Variants in CDH13 observed in about 807,000 individuals in gnomAD.
CDH13 encodes the protein cadherin-13.
In CDH13, 24 loss-of-function variants were observed where a neutral mutation model predicts 63.8. The ratio of observed to expected loss-of-function variants is 0.38; its 90% CI spans 0.27 to 0.53. CDH13 has a LOEUF of 0.53. Among genes scored for constraint, CDH13 ranks in the 20% least tolerant of loss-of-function variants. The pLI is 0.85. For missense variants in CDH13, 1,049 were observed against 903.1 expected (o/e 1.16, Z -2.07); for synonymous variants, 503 against 355.3 (o/e 1.42, Z -4.67).
chr16:82,640,711 C>T (rs115860834), intron 1 of CDH13, among the ~76,000 whole-genome samples: 2,428 of 152,216 alleles, frequency 0.016, 73 homozygotes, highest in African/African-American at 0.056. Context: ...TCTTTGGCCT[C>T]AGTTGCCATG....
intron 10 of CDH13, among the ~76,000 whole-genome samples, chr16:83,730,817 G>A (rs892511752): frequency 6.6e-6 from 1 of 152,034 alleles, no homozygotes; most frequent in Non-Finnish European, 1.5e-5. Context: ...CCCCTTCCAT[G>A]CTCCCCCTTC....
chr16:83,590,242 G>T (rs1906602548), intron 7 of CDH13, among the ~76,000 whole-genome samples: 1 of 152,128 alleles, frequency 6.6e-6, no homozygotes, highest in African/African-American at 2.4e-5. Flanking sequence ...AGAAGGCAGG[G>T]GGACCAACCT....
chr16:83,777,495 T>C (rs1212594491), intron 11 of CDH13, among the ~76,000 whole-genome samples: 1 of 152,246 alleles, frequency 6.6e-6, no homozygotes, highest in African/African-American at 2.4e-5. Context: ...GCGGGGGCTT[T>C]CTGCCTGCCC....
intron 2 of CDH13, among the ~76,000 whole-genome samples, chr16:82,891,124 C>T (rs748420845): frequency 6.6e-5 from 10 of 151,700 alleles, no homozygotes; most frequent in Non-Finnish European, 1.3e-4. Flanking sequence ...TCATACTGCC[C>T]CAGCCTCTGT....
At chr16:83,682,222 C>A (rs1428958768) in intron 10 of CDH13, among the ~76,000 whole-genome samples, 3 of 152,106 alleles carry the variant, frequency 2.0e-5, no homozygotes, top group South Asian at 2.1e-4. Context: ...TGATTCCGGG[C>A]AGGCTGCTCA....
At chr16:83,094,839 C>A (rs1363693347) in intron 3 of CDH13, among the ~76,000 whole-genome samples, 1 of 152,150 alleles carries the variant, frequency 6.6e-6, no homozygotes, top group Non-Finnish European at 1.5e-5. Context: ...GTTATAGCTT[C>A]CAAACTGTTA....
At chr16:83,239,038 C>T (rs1182603594) in intron 5 of CDH13, among the ~76,000 whole-genome samples, 1 of 152,172 alleles carries the variant, frequency 6.6e-6, no homozygotes, top group Non-Finnish European at 1.5e-5. Flanking sequence ...CAGTTACATT[C>T]TCCATGGGCG....
intron 1 of CDH13, among the ~76,000 whole-genome samples, chr16:82,836,383 C>T (rs549526840): frequency 6.6e-6 from 1 of 152,272 alleles, no homozygotes; most frequent in East Asian, 1.9e-4. Context: ...CTCCTGACCT[C>T]AGGTGATCCA....
intron 1 of CDH13, among the ~76,000 whole-genome samples, chr16:82,816,864 A>C (rs1188541009): frequency 6.6e-6 from 1 of 151,768 alleles, no homozygotes; most frequent in Non-Finnish European, 1.5e-5. Flanking sequence ...TGAAGCTCCA[A>C]CTCAGCACAG....
At chr16:83,550,236 C>T (rs1260305039) in intron 7 of CDH13, among the ~76,000 whole-genome samples, 2 of 152,222 alleles carry the variant, frequency 1.3e-5, no homozygotes, top group African/African-American at 4.8e-5. Flanking sequence ...CCTGTGGAAT[C>T]TCTTGGTCAG....
At chr16:83,458,697 T>A (rs1327517148) in intron 6 of CDH13, among the ~76,000 whole-genome samples, 1 of 152,178 alleles carries the variant, frequency 6.6e-6, no homozygotes, top group Non-Finnish European at 1.5e-5. Context: ...CCAGCAACAA[T>A]CTTCTTTATA....
At chr16:83,557,539 G>A (rs1399633902) in intron 7 of CDH13, among the ~76,000 whole-genome samples, 2 of 152,126 alleles carry the variant, frequency 1.3e-5, no homozygotes, top group Non-Finnish European at 2.9e-5. Flanking sequence ...GAAGCTCTCT[G>A]TAAGCCTTTC....
chr16:83,383,880 T>C (rs1405024138), intron 6 of CDH13, among the ~76,000 whole-genome samples: 1 of 152,174 alleles, frequency 6.6e-6, no homozygotes, highest in Non-Finnish European at 1.5e-5. Context: ...TTTGGTGAGG[T>C]TGTGGCTGCT....
In CDH13 at chr16:83,795,806, G is replaced by A. The variant is rs1302778413; in HGVS notation, c.*776G>A. 1 of 152,584 alleles carries A rather than the reference G, an allele frequency of 6.6e-6. No homozygotes were observed. The highest frequency in any genetic ancestry group is 1.5e-5 in the Non-Finnish European group (1 of 68,028). The allele number at this position is 152,584 out of a possible 1,614,324, so 9.5% of individuals were successfully genotyped here. On this transcript the variant is annotated 3_prime_UTR_variant, in exon 14 of 14. Transcript: ENST00000567109. ...GAAAAGGGCTGACATTTTCTTTCAT[G>A]GGCACCAACCTGCATTTGTATGTGT...
chr16:83,022,331 G>C (rs925230734), intron 2 of CDH13, among the ~76,000 whole-genome samples: 1 of 152,126 alleles, frequency 6.6e-6, no homozygotes, highest in African/African-American at 2.4e-5. Flanking sequence ...AGGATAGCTG[G>C]GTCTCTCCAT....
intron 6 of CDH13, among the ~76,000 whole-genome samples, chr16:83,482,478 C>A (rs1056615862): frequency 6.6e-6 from 1 of 152,198 alleles, no homozygotes; most frequent in African/African-American, 2.4e-5. Context: ...CCTTGCTTTG[C>A]GGTGTTTGCC....
At chr16:82,811,725 G>A (rs888147209) in intron 1 of CDH13, among the ~76,000 whole-genome samples, 1 of 152,132 alleles carries the variant, frequency 6.6e-6, no homozygotes, top group Non-Finnish European at 1.5e-5. Flanking sequence ...GAGATGGAAA[G>A]GTGTATATGG....
intron 1 of CDH13, among the ~76,000 whole-genome samples, chr16:82,851,691 G>C (rs1345243833): frequency 6.6e-6 from 1 of 151,958 alleles, no homozygotes; most frequent in Non-Finnish European, 1.5e-5. Context: ...GTGTGTGTGT[G>C]TGTGTGTGTG....
chr16:82,843,122 A>T (rs2039102873), intron 1 of CDH13, among the ~76,000 whole-genome samples: 2 of 152,194 alleles, frequency 1.3e-5, no homozygotes, highest in Admixed American at 1.3e-4. Flanking sequence ...TCCACCCTTA[A>T]ACTTTTTAAG....
Sources: allele counts gnomAD v4.1 joint callset (sites outside exome capture counted in the v4.1 genomes callset), GRCh38; gene constraint gnomAD v4.1.1; transcripts MANE v1.5; gene names NCBI Gene and HGNC (gene_info 2026-07-23, HGNC 2026-07-21).